RAD52: variants seen among roughly 807,000 people sequenced by gnomAD.
The protein encoded by RAD52 is DNA repair protein RAD52 homolog.
A neutral mutation model predicts 55.5 loss-of-function variants in RAD52; 47 were observed. That is an observed-to-expected ratio of 0.85 (90% CI 0.67 to 1.08). RAD52 has a LOEUF of 1.08. RAD52 is among the 50% of genes least tolerant of loss of function. The pLI is 0.00. For missense variants in RAD52, 468 were observed against 522.8 expected, an observed-to-expected ratio of 0.90 and a Z score of 1.02; for synonymous variants, 184 against 198.9, an observed-to-expected ratio of 0.92 and a Z score of 0.63.
At chr12:984,714 G>T (rs1959063311) in intron 1 of RAD52, among the ~76,000 whole-genome samples, 1 of 151,554 alleles carries the variant, frequency 6.6e-6, no homozygotes, top group Non-Finnish European at 1.5e-5. Flanking sequence ...GCCCAGGCTG[G>T]AGTGCAGTGG....
At position 911,866 on chromosome 12, in the gene RAD52, T is replaced by C. The variant is rs574121520; in HGVS notation, c.*1525A>G. Among the ~76,000 whole-genome samples the C allele has an allele frequency of 3.6e-4, 43 of 119,290 alleles. No homozygotes were observed. The highest frequency in any genetic ancestry group is 1.4e-3 in the Admixed American group (15 of 10,538). The allele number at this position is 119,290 out of a possible 152,430, so 78.3% of individuals were successfully genotyped here. ...GAAACCCCGTCTCCTCTACTAAAAA[T>C]ACAAAAATTAGTCGGGCGTCGTGGT... On this transcript the variant is annotated 3_prime_UTR_variant, in exon 12 of 12. Transcript: ENST00000358495.
intron 7 of RAD52, among the ~76,000 whole-genome samples, chr12:917,273 T>C (rs1029150130): frequency 2.6e-5 from 4 of 152,132 alleles, no homozygotes; most frequent in African/African-American, 9.7e-5. Context: ...GGAAGAACCC[T>C]TGGGAGGCAC....
At chr12:962,074 C>T (rs1343141735) in intron 1 of RAD52, among the ~76,000 whole-genome samples, 4 of 152,172 alleles carry the variant, frequency 2.6e-5, no homozygotes, top group Non-Finnish European at 5.9e-5. Flanking sequence ...GCCACCCAGT[C>T]TGTAGTATTT....
intron 1 of RAD52, among the ~76,000 whole-genome samples, chr12:938,548 G>A (rs182994581): frequency 1.3e-5 from 2 of 152,128 alleles, no homozygotes; most frequent in African/African-American, 4.8e-5. Context: ...GCTGGGCATG[G>A]TGGCACACAC....
intron 6 of RAD52, among the ~76,000 whole-genome samples, chr12:926,232 C>T (rs148211361): frequency 6.6e-6 from 1 of 152,024 alleles, no homozygotes; most frequent in East Asian, 1.9e-4. Flanking sequence ...ATGGCTCATG[C>T]CTGTGATCCC....
chr12:990,226 C>G (rs187043712), upstream of RAD52: 1 of 151,960 alleles, frequency 6.6e-6, no homozygotes, highest in East Asian at 1.9e-4. Flanking sequence ...TCAAGGACAC[C>G]GAAAATTATT....
chr12:951,235 C>T (rs1362515486), upstream of RAD52, among the ~76,000 whole-genome samples: 1 of 152,158 alleles, frequency 6.6e-6, no homozygotes, highest in African/African-American at 2.4e-5. Flanking sequence ...ACCTCAGCTT[C>T]CCAGGTAGCT....
At position 918,321 on chromosome 12, in the gene RAD52, G is replaced by A. The variant is rs536204845; in HGVS notation, c.544-1501C>T. On this transcript the variant is annotated intron_variant, in intron 7 of 11. Transcript: ENST00000358495. ...AATCTCACAACCATGCTGAATTCAA[G>A]TAAGATACAAAGAGTTCAAACTGTA... 4.6e-5 allele frequency among the ~76,000 whole-genome samples: 7 copies of A among 152,312 alleles called. No individual in the cohort carries two copies. The South Asian group carries it at 1.2e-3, about 27-fold the overall frequency.
At chr12:975,139 T>G (rs560549017) in intron 1 of RAD52, 128 of 151,966 alleles carry the variant, frequency 8.4e-4, no homozygotes, top group African/African-American at 2.8e-3. Flanking sequence ...TAGGTATGTA[T>G]GTATAGGAAA....
At chr12:960,671 G>T (rs1345177788) in intron 1 of RAD52, among the ~76,000 whole-genome samples, 1 of 152,126 alleles carries the variant, frequency 6.6e-6, no homozygotes, top group African/African-American at 2.4e-5. Context: ...TTGCTATGTT[G>T]CCCAGGCTGG....
chr12:915,839 C>G (rs565175787), intron 9 of RAD52, among the ~76,000 whole-genome samples: 2 of 152,072 alleles, frequency 1.3e-5, no homozygotes, highest in African/African-American at 4.8e-5. Context: ...CTCAGCCTCC[C>G]GAGTAGGGGG....
chr12:916,844 A>G (rs781434360), intron 7 of RAD52, 24 bp from the exon 8 acceptor site: 1 of 1,587,506 alleles, frequency 6.3e-7, no homozygotes, highest in Non-Finnish European at 8.6e-7. Flanking sequence ...AGAAAAACAA[A>G]TTCCTTCAAC....
At position 913,295 on chromosome 12, in the gene RAD52, G is replaced by A. The variant is rs11571473; in HGVS notation, c.*96C>T. 839 of 930,112 alleles carry A rather than the reference G, an allele frequency of 9.0e-4. 2 individuals carry two copies. Among genetic ancestry groups the A allele is most frequent in the Non-Finnish European group, 1.1e-3 (665 of 590,050 alleles). The allele number at this position is 930,112 out of a possible 1,614,324, so 57.6% of individuals were successfully genotyped here. A position where few individuals can be genotyped will look rare whatever the true frequency, so the allele number is the denominator to read the frequency against. On this transcript the variant is annotated 3_prime_UTR_variant, in exon 12 of 12. Transcript: ENST00000358495. The stretch of plus-strand genomic sequence containing the variant: ...ATGAAGCAAGATAAATCGCAATGAC[G>A]TTCATTCTCCAGCAGCGATGAACAA...
At position 912,722 on chromosome 12, in the gene RAD52, CAAAA is replaced by C. The variant is rs60090525; in HGVS notation, c.*665_*668del. On this transcript the variant is annotated 3_prime_UTR_variant, in exon 12 of 12. Transcript: ENST00000358495. ...AGGGCAACACAGCCAGACCCCGTCT[CAAAA>C]AAAAAAAAAAAAAAAAAAACAAAAA... 3.4e-3 allele frequency: 247 copies of C among 73,144 alleles called. 1 individual carries two copies. Among genetic ancestry groups the C allele is most frequent in the East Asian group, 0.017 (43 of 2,596 alleles). 4.5% of individuals were successfully genotyped at this position (73,144 alleles called of 1,614,324 possible).
intron 1 of RAD52, among the ~76,000 whole-genome samples, chr12:988,415 CACTT>C (rs1959116114): frequency 6.6e-6 from 1 of 152,126 alleles, no homozygotes. Flanking sequence ...TACCTAATAA[CACTT>C]AGTTGTCTGT....
At chr12:950,204 C>T (rs1266057320), upstream of RAD52, among the ~76,000 whole-genome samples, 2 of 152,316 alleles carry the variant, frequency 1.3e-5, no homozygotes, top group Admixed American at 6.5e-5. Flanking sequence ...CAGTCGTCAC[C>T]GGATGGCGCC....
intron 7 of RAD52, among the ~76,000 whole-genome samples, chr12:925,105 C>G (rs1364610365): frequency 1.3e-5 from 2 of 151,974 alleles, no homozygotes; most frequent in Non-Finnish European, 2.9e-5. Context: ...CGCCCACCAC[C>G]TCGCCCGGCT....
intron 1 of RAD52, among the ~76,000 whole-genome samples, chr12:971,838 C>T (rs542222788): frequency 1.7e-4 from 25 of 150,754 alleles, no homozygotes; most frequent in Non-Finnish European, 3.5e-4. Context: ...GGCTCCGCCC[C>T]CCGGGGTTCA....
intron 1 of RAD52, among the ~76,000 whole-genome samples, chr12:937,413 C>T (rs1957694966): frequency 6.6e-6 from 1 of 151,976 alleles, no homozygotes. Flanking sequence ...ATGCTCTACT[C>T]AGCATCCCTT....
Sources: allele counts gnomAD v4.1 joint callset (sites outside exome capture counted in the v4.1 genomes callset), GRCh38; gene constraint gnomAD v4.1.1; transcripts MANE v1.5; gene names NCBI Gene and HGNC (gene_info 2026-07-23, HGNC 2026-07-21).